HHAT: variants seen among roughly 807,000 people sequenced by gnomAD.
HHAT encodes protein-cysteine N-palmitoyltransferase HHAT.
In HHAT, 47 loss-of-function variants were observed where a neutral mutation model predicts 70.8. The observed-to-expected ratio is 0.66, with a 90% confidence interval of 0.53 to 0.85. HHAT has a LOEUF of 0.85. Among genes scored for constraint, HHAT ranks in the 40% least tolerant of loss-of-function variants. HHAT has a pLI of 0.00. For missense variants in HHAT, 609 were observed against 604.8 expected, an observed-to-expected ratio of 1.01 and a Z score of -0.07; for synonymous variants, 228 against 247.6, an observed-to-expected ratio of 0.92 and a Z score of 0.74.
intron 10 of HHAT, among the ~76,000 whole-genome samples, chr1:210,608,752 G>A (rs1666007774): frequency 6.6e-6 from 1 of 152,150 alleles, no homozygotes; most frequent in African/African-American, 2.4e-5. Context: ...CCTGGAGGCT[G>A]GGAGTCAAAG....
chr1:210,383,795 A>C (rs2090839090), intron 3 of HHAT, among the ~76,000 whole-genome samples: 1 of 152,236 alleles, frequency 6.6e-6, no homozygotes, highest in African/African-American at 2.4e-5. Context: ...CTGTTAAACA[A>C]ATTGAGCTAC....
At chr1:210,516,335 T>G (rs967692396) in intron 9 of HHAT, among the ~76,000 whole-genome samples, 1 of 152,092 alleles carries the variant, frequency 6.6e-6, no homozygotes, top group African/African-American at 2.4e-5. Context: ...TTTTTTCTTT[T>G]TAATGGGATG....
chr1:210,665,006 T>C (rs1399434209), intron 11 of HHAT, among the ~76,000 whole-genome samples: 2 of 152,158 alleles, frequency 1.3e-5, no homozygotes, highest in East Asian at 3.9e-4. Flanking sequence ...CTCTTTCCCT[T>C]CATTCTACTT....
chr1:210,483,903 AGCTGTGGTCAAAAT>A (rs1558609223), intron 8 of HHAT, among the ~76,000 whole-genome samples: 1 of 152,222 alleles, frequency 6.6e-6, no homozygotes, highest in African/African-American at 2.4e-5. Context: ...ACAGAGCAAA[AGCTGTGGTCAAAAT>A]GCTGTGAATT....
intron 7 of HHAT, among the ~76,000 whole-genome samples, chr1:210,443,339 G>A (rs1011276360): frequency 2.0e-4 from 31 of 151,596 alleles, no homozygotes; most frequent in Middle Eastern, 3.4e-3. Context: ...CTCTTTTTTG[G>A]TTCCTTATGA....
intron 10 of HHAT, among the ~76,000 whole-genome samples, chr1:210,591,828 A>G (rs1661782003): frequency 6.6e-6 from 1 of 152,078 alleles, no homozygotes; most frequent in Non-Finnish European, 1.5e-5. Context: ...TTCATATGTC[A>G]TCTTTTTAGA....
At chr1:210,532,029 G>T (rs990972594) in intron 9 of HHAT, among the ~76,000 whole-genome samples, 3 of 152,198 alleles carry the variant, frequency 2.0e-5, no homozygotes, top group African/African-American at 7.2e-5. Flanking sequence ...CCTGGTTTCA[G>T]CTGTGAAAAG....
chr1:210,501,782 C>T (rs887896846), intron 8 of HHAT, among the ~76,000 whole-genome samples: 3 of 152,174 alleles, frequency 2.0e-5, no homozygotes, highest in Non-Finnish European at 4.4e-5. Context: ...CTCTGAGGTA[C>T]AGGCCAGTGC....
intron 8 of HHAT, among the ~76,000 whole-genome samples, chr1:210,489,385 G>A (rs17260431): frequency 0.11 from 17,289 of 152,160 alleles, 1,273 homozygotes; most frequent in South Asian, 0.19. Context: ...TCATTCTGAG[G>A]CTGTCAGCTT....
chr1:210,331,047 C>T (rs373883971), intron 1 of HHAT, among the ~76,000 whole-genome samples: 1 of 152,090 alleles, frequency 6.6e-6, no homozygotes, highest in African/African-American at 2.4e-5. Flanking sequence ...TTCCTGAGCT[C>T]GAACTCCTGA....
chr1:210,570,487 G>C (rs2148733020), intron 9 of HHAT, among the ~76,000 whole-genome samples: 1 of 152,298 alleles, frequency 6.6e-6, no homozygotes, highest in Middle Eastern at 3.4e-3. Flanking sequence ...AGAGATGCTG[G>C]AAAGAACACG....
intron 8 of HHAT, among the ~76,000 whole-genome samples, chr1:210,512,759 A>T (rs1029565866): frequency 1.3e-5 from 2 of 151,882 alleles, no homozygotes; most frequent in African/African-American, 4.8e-5. Context: ...CACGAATATT[A>T]CAAACGGACT....
chr1:210,333,172 CT>C (rs1215857409), intron 1 of HHAT, among the ~76,000 whole-genome samples: 9 of 152,238 alleles, frequency 5.9e-5, no homozygotes, highest in Non-Finnish European at 1.0e-4. Flanking sequence ...CTACTTGTTA[CT>C]TGACACTCAC....
At chr1:210,635,677 G>A (rs1671743374) in intron 11 of HHAT, among the ~76,000 whole-genome samples, 1 of 152,116 alleles carries the variant, frequency 6.6e-6, no homozygotes, top group Admixed American at 6.5e-5. Flanking sequence ...CCTCTGAGAT[G>A]GGCAAAAATA....
chr1:210,604,035 C>T (rs138740864), intron 10 of HHAT, among the ~76,000 whole-genome samples: 2 of 152,268 alleles, frequency 1.3e-5, no homozygotes, highest in East Asian at 3.9e-4. Flanking sequence ...AGGTGAAGTT[C>T]ATCCATCAAA....
At chr1:210,573,467 C>A (rs1456249709) in intron 9 of HHAT, among the ~76,000 whole-genome samples, 1 of 152,224 alleles carries the variant, frequency 6.6e-6, no homozygotes, top group Non-Finnish European at 1.5e-5. Context: ...TCGTTGGCCT[C>A]CTGGACCCCA....
At chr1:210,569,801 C>A (rs1045414322) in intron 9 of HHAT, among the ~76,000 whole-genome samples, 1 of 152,156 alleles carries the variant, frequency 6.6e-6, no homozygotes, top group Non-Finnish European at 1.5e-5. Flanking sequence ...TGCAAGTTGC[C>A]TGTAGCTCCA....
At chr1:210,592,879 C>CTTTTTTTTTTTTTTTTTT (rs35245794) in intron 10 of HHAT, among the ~76,000 whole-genome samples, 1 of 145,448 alleles carries the variant, frequency 6.9e-6, no homozygotes, top group African/African-American at 2.5e-5. Flanking sequence ...ACCAACTTTT[C>CTTTTTTTTTTTTTTTTTT]TTTTTTTTTT....
At chr1:210,644,373 C>G (rs760649935) in intron 11 of HHAT, among the ~76,000 whole-genome samples, 12 of 152,066 alleles carry the variant, frequency 7.9e-5, no homozygotes, top group Non-Finnish European at 1.6e-4. Flanking sequence ...GAGGCCAACG[C>G]AGGCGGATCA....
Sources: gnomAD v4.1 joint callset for allele counts (sites outside exome capture counted in the v4.1 genomes callset) on GRCh38, gnomAD v4.1.1 for gene constraint, MANE v1.5 for transcripts, NCBI Gene and HGNC (gene_info 2026-07-23, HGNC 2026-07-21) for gene names.